The following KLHL2 variants were observed in gnomAD, a reference collection of about 807,000 sequenced individuals.
The protein encoded by KLHL2 is kelch like family member 2, also known as kelch-like protein 2.
A neutral mutation model predicts 75.8 loss-of-function variants in KLHL2; 15 were observed. That is an observed-to-expected ratio of 0.20 (90% CI 0.13 to 0.30). The LOEUF (loss-of-function observed/expected upper bound fraction) is 0.30. Ranked by LOEUF, KLHL2 falls within the 10% of genes least tolerant of loss-of-function variation. The pLI is 1.00. For missense variants in KLHL2, 381 were observed against 741.0 expected (o/e 0.51, Z 5.64); for synonymous variants, 214 against 251.9 (o/e 0.85, Z 1.42).
At position 165,238,870 on chromosome 4, in the gene KLHL2, G is replaced by A. The variant is rs1444071588; in HGVS notation, c.352G>A (p.Glu118Lys). ...GCTAATTGATTATGTTTACACTGCA[G>A]AAATTCAGGTTACAGAAGAAAATGT... is the stretch of plus-strand genomic sequence containing the variant. ...RMLIDYVYTAEIQVTEENVQV... is the reference protein window; with the variant it reads ...RMLIDYVYTAKIQVTEENVQV... The change falls in exon 4 of 15, where the codon GAA (glutamate) becomes AAA (lysine). Residue 118 changes from glutamate to lysine, a missense_variant. By Grantham distance (56) the Glu-to-Lys change is moderately conservative. Coordinates refer to ENST00000226725, the MANE Select transcript of KLHL2 (RefSeq NM_007246.4). The A allele has an allele frequency of 1.9e-6, 3 of 1,613,900 alleles. No homozygotes were observed. The South Asian group carries it at 3.3e-5, about 18-fold the overall frequency.
intron 5 of KLHL2, chr4:165,277,693 A>G (rs1743234436): frequency 4.0e-5 from 21 of 527,522 alleles, no homozygotes; most frequent in Admixed American, 2.2e-4. Context: ...TGTTATGGCA[A>G]TGGAGGGGGT....
intron 5 of KLHL2, among the ~76,000 whole-genome samples, chr4:165,270,192 A>G (rs567330610): frequency 3.4e-4 from 52 of 152,268 alleles, no homozygotes; most frequent in African/African-American, 9.9e-4. Context: ...GGTCTTCTCT[A>G]CACTGTTTAT....
intron 5 of KLHL2, among the ~76,000 whole-genome samples, chr4:165,290,375 C>A (rs189992241): frequency 7.2e-5 from 11 of 151,972 alleles, no homozygotes; most frequent in Non-Finnish European, 7.4e-5. Context: ...ACTCAAGTGA[C>A]CCACCCTCCT....
chr4:165,229,120 A>ATTT (rs1367213619), intron 3 of KLHL2, among the ~76,000 whole-genome samples: 2 of 152,176 alleles, frequency 1.3e-5, no homozygotes, highest in Admixed American at 6.5e-5. Flanking sequence ...TACACTCACA[A>ATTT]TTTTATGCTC....
chr4:165,320,851 A>G (rs975371293), intron 14 of KLHL2, among the ~76,000 whole-genome samples: 10 of 152,250 alleles, frequency 6.6e-5, no homozygotes, highest in African/African-American at 2.4e-4. Context: ...AAGGGTTTCA[A>G]GGTATGGATC....
chr4:165,258,564 C>T (rs1345279884), intron 4 of KLHL2, among the ~76,000 whole-genome samples: 3 of 152,158 alleles, frequency 2.0e-5, no homozygotes, highest in Non-Finnish European at 2.9e-5. Context: ...CACTGTTCAA[C>T]TGCTCCTTTG....
rs565588616 is a variant in KLHL2, at chr4:165,278,260, C to T, written c.544+14901C>T. 23 of 1,091,296 alleles carry T rather than the reference C, an allele frequency of 2.1e-5. No individual in the cohort carries two copies. In the East Asian group the frequency reaches 2.8e-4, roughly 13 times the overall value. The allele number at this position is 1,091,296 out of a possible 1,614,324, so 67.6% of individuals were successfully genotyped here. A position where few individuals can be genotyped will look rare whatever the true frequency, so the allele number is the denominator to read the frequency against. On this transcript the variant is annotated intron_variant, in intron 5 of 14. Transcript: ENST00000226725. ...CGTCGACTCCTTCTGCAGCCCCTGC[C>T]GCCATGGCAGCACCCAGTGCAGTGG...
At chr4:165,231,293 T>C (rs1738865952) in intron 3 of KLHL2, among the ~76,000 whole-genome samples, 1 of 152,070 alleles carries the variant, frequency 6.6e-6, no homozygotes, top group African/African-American at 2.4e-5. Context: ...TATCAAAATA[T>C]AAAAAATCAG....
intron 1 of KLHL2, among the ~76,000 whole-genome samples, chr4:165,211,670 A>G (rs1737212477): frequency 1.3e-5 from 2 of 152,232 alleles, no homozygotes; most frequent in South Asian, 4.1e-4. Flanking sequence ...ATAATGGCCC[A>G]CAAACAAGGT....
At chr4:165,272,529 CT>C (rs1229734838) in intron 5 of KLHL2, among the ~76,000 whole-genome samples, 1 of 152,164 alleles carries the variant, frequency 6.6e-6, no homozygotes, top group Non-Finnish European at 1.5e-5. Flanking sequence ...AACCTTTTAT[CT>C]TTCCTGGGCT....
At chr4:165,303,038 C>T (rs1745452276) in intron 8 of KLHL2, among the ~76,000 whole-genome samples, 1 of 152,172 alleles carries the variant, frequency 6.6e-6, no homozygotes, top group African/African-American at 2.4e-5. Context: ...TGGTTTATGA[C>T]ACAGTCTCTT....
At chr4:165,225,913 G>A (rs1366771118) in intron 2 of KLHL2, among the ~76,000 whole-genome samples, 1 of 152,158 alleles carries the variant, frequency 6.6e-6, no homozygotes, top group African/African-American at 2.4e-5. Context: ...AACCTTATTA[G>A]TTAACTAACA....
chr4:165,288,915 A>G (rs1226461141), intron 5 of KLHL2, among the ~76,000 whole-genome samples: 2 of 150,000 alleles, frequency 1.3e-5, no homozygotes, highest in Admixed American at 6.7e-5. Context: ...CATTTTTATT[A>G]GTACTAGTGG....
At chr4:165,248,176 G>A (rs1740412899) in intron 4 of KLHL2, among the ~76,000 whole-genome samples, 1 of 152,214 alleles carries the variant, frequency 6.6e-6, no homozygotes, top group Non-Finnish European at 1.5e-5. Context: ...GTGGGTAGTT[G>A]AGAAAGAGTG....
At chr4:165,226,548 GT>G (rs1347953471) in intron 2 of KLHL2, among the ~76,000 whole-genome samples, 2 of 151,948 alleles carry the variant, frequency 1.3e-5, no homozygotes, top group African/African-American at 4.8e-5. Flanking sequence ...TGCATTGCCA[GT>G]TTTTTCTGCT....
intron 5 of KLHL2, among the ~76,000 whole-genome samples, chr4:165,269,493 T>C (rs1742506653): frequency 6.6e-6 from 1 of 152,090 alleles, no homozygotes; most frequent in African/African-American, 2.4e-5. Flanking sequence ...AGGAGCTCTC[T>C]TGTAAGGCAG....
chr4:165,217,845 T>C (rs2110971449), intron 1 of KLHL2, among the ~76,000 whole-genome samples: 1 of 152,340 alleles, frequency 6.6e-6, no homozygotes, highest in Non-Finnish European at 1.5e-5. Flanking sequence ...CACTTGGATG[T>C]CTGATGTTTT....
intron 4 of KLHL2, among the ~76,000 whole-genome samples, chr4:165,254,381 G>GT (rs11439914): frequency 0.055 from 8,274 of 151,622 alleles, 313 homozygotes; most frequent in African/African-American, 0.15. Flanking sequence ...GTTGGTTCTG[G>GT]TTTTTTTTCT....
intron 5 of KLHL2, among the ~76,000 whole-genome samples, chr4:165,289,509 GTT>G (rs1194080743): frequency 3.5e-5 from 4 of 112,940 alleles, no homozygotes; most frequent in Admixed American, 8.9e-5. Flanking sequence ...TTTTGGTTTG[GTT>G]TTTTTTTTTT....
Sources: allele counts gnomAD v4.1 joint callset (sites outside exome capture counted in the v4.1 genomes callset), GRCh38; gene constraint gnomAD v4.1.1; transcripts MANE v1.5; gene names NCBI Gene and HGNC (gene_info 2026-07-23, HGNC 2026-07-21).